The following MFSD12 variants were observed in gnomAD, a reference collection of about 807,000 sequenced individuals.
MFSD12 encodes major facilitator superfamily domain containing 12, also known as major facilitator superfamily domain-containing protein 12.
MFSD12 carries 67 observed loss-of-function variants against 51.2 expected under a neutral mutation model. The ratio of observed to expected loss-of-function variants is 1.31; its 90% CI spans 1.08 to 1.60. MFSD12 has a LOEUF of 1.60. Among genes scored for constraint, MFSD12 ranks in the 40% most tolerant of loss-of-function variants. The pLI is 0.00. For missense variants in MFSD12, 921 were observed against 673.0 expected, an observed-to-expected ratio of 1.37 and a Z score of -4.08; for synonymous variants, 441 against 316.7, an observed-to-expected ratio of 1.39 and a Z score of -4.17.
chr19:3,540,828 G>A (rs548081758), downstream of MFSD12, among the ~76,000 whole-genome samples: 3 of 139,892 alleles, frequency 2.1e-5, no homozygotes, highest in South Asian at 4.6e-4. Context: ...GCAGTGAGCC[G>A]AGATCGTGCC....
At chr19:3,545,008 T>G in intron 8 of MFSD12, 69 bp from the exon 9 acceptor site, 1 of 1,518,112 alleles carries the variant, frequency 6.6e-7, no homozygotes, top group South Asian at 1.2e-5. Flanking sequence ...GCTGAACCTG[T>G]GCCTCCCCTC....
At chr19:3,539,438 C>CTGTGGGGGCTACA, downstream of MFSD12, 1 of 585,808 alleles carries the variant, frequency 1.7e-6, no homozygotes, top group Non-Finnish European at 3.1e-6. Context: ...TGGCCGCTCA[C>CTGTGGGGGCTACA]TGTGGGGGCT....
chr19:3,542,888 T>G, downstream of MFSD12: 2 of 1,404,602 alleles, frequency 1.4e-6, no homozygotes, highest in African/African-American at 1.4e-5. Context: ...AAGGGACTTG[T>G]GGGTCTTGGA....
chr19:3,553,695 G>A (rs188318698), intron 1 of MFSD12, among the ~76,000 whole-genome samples: 262 of 112,526 alleles, frequency 2.3e-3, no homozygotes, highest in Middle Eastern at 7.7e-3. Flanking sequence ...GTGTGAATCC[G>A]GGAGGCAGAG....
At chr19:3,539,710 C>A (rs1033834488), downstream of MFSD12, 1 of 170,428 alleles carries the variant, frequency 5.9e-6, no homozygotes, top group Non-Finnish European at 1.3e-5. Flanking sequence ...TTTCCCTCTC[C>A]TTATAAGGGT....
chr19:3,544,954 G>T lies in MFSD12; in HGVS notation c.1290-15C>A, dbSNP rs368437815. The T allele has an allele frequency of 6.3e-7, 1 of 1,598,084 alleles. No individual in the cohort carries two copies. The highest frequency in any genetic ancestry group is 8.5e-7 in the Non-Finnish European group (1 of 1,174,424). ...AGAGCTCTGAGCTGTGGGAGGAGGC[G>T]GGGGATGAGTAGGCACCGCGGGTAC... On this transcript the variant is annotated splice_polypyrimidine_tract_variant and intron_variant, in intron 8 of 9. Transcript: ENST00000355415.
downstream of MFSD12, chr19:3,543,662 A>G (rs1486213530): frequency 1.3e-6 from 2 of 1,541,072 alleles, no homozygotes; most frequent in South Asian, 1.2e-5. Flanking sequence ...AGACAGGCCA[A>G]TCCGGGGCAA....
chr19:3,541,840 G>A (rs138904998), downstream of MFSD12: 19 of 964,950 alleles, frequency 2.0e-5, no homozygotes, highest in Admixed American at 1.8e-4. Flanking sequence ...ACAGAGTCTC[G>A]CTCTCTCACC....
chr19:3,543,360 CGGACGCCTG>C, downstream of MFSD12: 3 of 1,549,432 alleles, frequency 1.9e-6, no homozygotes, highest in Non-Finnish European at 2.6e-6. Context: ...CTGACCAACT[CGGACGCCTG>C]GGAAGCCTGG....
chr19:3,551,910 C>T lies in MFSD12; in HGVS notation c.299-716G>A, dbSNP rs1341492112. Among the ~76,000 whole-genome samples the T allele has an allele frequency of 6.6e-6, 1 of 152,138 alleles. No homozygotes were observed. Among genetic ancestry groups the T allele is most frequent in the African/African-American group, 2.4e-5 (1 of 41,428 alleles). On this transcript the variant is annotated intron_variant, in intron 1 of 9. Coordinates refer to ENST00000355415, the MANE Select transcript of MFSD12 (RefSeq NM_174983.5). This position sits in a 1 kb window ranked among gnomAD's most constrained non-coding sequence, Gnocchi z 4.6. ...CTCTTCAACATGCCAGGCGGTCCTG[C>T]CCCCGGGCCTTTGCATGGGCGTGCC...
chr19:3,538,820 G>C (rs1342896730), intron 4 of MFSD12: 2 of 554,984 alleles, frequency 3.6e-6, no homozygotes, highest in Non-Finnish European at 7.2e-6. Flanking sequence ...GGGGTGACAG[G>C]TGCCTGCGAC....
At chr19:3,545,235 C>T (rs944385127) in intron 8 of MFSD12, among the ~76,000 whole-genome samples, 1 of 152,234 alleles carries the variant, frequency 6.6e-6, no homozygotes, top group Non-Finnish European at 1.5e-5. Context: ...ACTTCTCCCC[C>T]AGCAGCTGTC....
chr19:3,544,024 G>C (rs746890501), downstream of MFSD12: 36 of 1,524,122 alleles, frequency 2.4e-5, no homozygotes, highest in East Asian at 2.7e-4. Context: ...CATGCTACCA[G>C]GATGCACCCA....
At chr19:3,542,452 A>C (rs867185822), downstream of MFSD12, 5 of 985,324 alleles carry the variant, frequency 5.1e-6, no homozygotes, top group South Asian at 1.9e-4. Flanking sequence ...AGCAAGGTCA[A>C]AGCATAAAAC....
chr19:3,547,243 C>T (rs1251637963), intron 6 of MFSD12, 29 bp downstream of exon 6: 2 of 1,596,244 alleles, frequency 1.3e-6, no homozygotes, highest in Admixed American at 1.7e-5. Flanking sequence ...ATCCTCCGCC[C>T]CAGCTGTCCC....
chr19:3,546,297 G>C lies in MFSD12; in HGVS notation c.1152C>G (p.Val384=), dbSNP rs773602633. ...GGTCGGCCGTCATGGCCAGCGAGGT[G>C]ACGAGGATGGTGGCACAGCCAGCAC... ...LLGAGCATIL[V]TSLAMTADLI... is the part of the protein sequence containing the mutation. The change falls in exon 7 of 10, where the codon GTC becomes GTG. Residue 384 remains valine, a synonymous_variant. Transcript: ENST00000355415. 3.1e-6 allele frequency: 5 copies of C among 1,610,262 alleles called. No individual in the cohort carries two copies. The South Asian group carries it at 5.5e-5, about 18-fold the overall frequency.
chr19:3,547,544 C>T lies in MFSD12; in HGVS notation c.841G>A (p.Gly281Ser), dbSNP rs2031177348. ...WLREPAFYQV[G>S]ILYMTTRLIV... ...AGCCTGGTGGTCATGTACAGTATGCCCACCTGTGGGCAGACCGACAGAGGG... is the reference window on the plus strand; with the variant it reads ...AGCCTGGTGGTCATGTACAGTATGCTCACCTGTGGGCAGACCGACAGAGGG... The change falls in exon 5 of 10, where the codon GGC becomes AGC. Residue 281 changes from glycine to serine, a missense_variant. By Grantham distance (56) the Gly-to-Ser change is moderately conservative. Transcript: ENST00000355415. 4 of 1,609,552 alleles carry T rather than the reference C, an allele frequency of 2.5e-6. No homozygotes were observed. The highest frequency in any genetic ancestry group is 3.4e-6 in the Non-Finnish European group (4 of 1,178,378).
At chr19:3,554,450 C>CAAAAAAA (rs1187548758) in intron 1 of MFSD12, among the ~76,000 whole-genome samples, 3 of 71,770 alleles carry the variant, frequency 4.2e-5, no homozygotes, top group Admixed American at 1.5e-4. Flanking sequence ...AACAACAAAA[C>CAAAAAAA]AAAAAAAAAA....
In MFSD12 at chr19:3,546,386, C is replaced by A. The variant is rs1439389226; in HGVS notation, c.1063G>T (p.Ala355Ser). 1 of 1,608,138 alleles carries A rather than the reference C, an allele frequency of 6.2e-7. No homozygotes were observed. Residue 355 changes from alanine (A) to serine (S), a missense_variant, in exon 7 of 10, where the codon GCC (alanine) becomes TCC (serine). Physicochemically the swap from Ala to Ser is moderately conservative, Grantham distance 99 (BLOSUM62 1). Transcript: ENST00000355415. ...CCCTCCGCCAGCGCCACCCAGGCGG[C>A]AAAGGCCAGGATCACCAGGAGGCCT... ...FSGLLVILAF[A>S]AWVALAEGLG...
Sources: gnomAD v4.1 joint callset for allele counts (sites outside exome capture counted in the v4.1 genomes callset) on GRCh38, gnomAD v4.1.1 for gene constraint, Gnocchi (gnomAD v3.1) non-coding constraint, MANE v1.5 for transcripts, NCBI Gene and HGNC (gene_info 2026-07-23, HGNC 2026-07-21) for gene names.